Variants in ZMYND11 observed in about 807,000 individuals in gnomAD.
ZMYND11 encodes the protein zinc finger MYND domain-containing protein 11.
ZMYND11 carries 9 observed loss-of-function variants against 84.9 expected under a neutral mutation model. The ratio of observed to expected loss-of-function variants is 0.11; its 90% CI spans 0.06 to 0.18. The LOEUF (loss-of-function observed/expected upper bound fraction) is 0.18. Ranked by LOEUF, ZMYND11 falls within the 10% of genes least tolerant of loss-of-function variation. The pLI, the probability that ZMYND11 is intolerant of heterozygous loss-of-function variation, is 1.00. For missense variants in ZMYND11, 409 were observed against 761.0 expected, an observed-to-expected ratio of 0.54 and a Z score of 5.44; for synonymous variants, 250 against 244.1, an observed-to-expected ratio of 1.02 and a Z score of -0.23.
chr10:248,603 G>A lies in ZMYND11; in HGVS notation c.1495G>A (p.Glu499Lys). 1 of 1,604,314 alleles carries A rather than the reference G, an allele frequency of 6.2e-7. No homozygotes were observed. ...AGAGCGTGTTGTCCGAGAAGCTCTG[G>A]AGAAGGTAATGCTTGTCGCCACTGT... ...ETERVVREAL[E>K]KLRSEMEEEK... The change falls in exon 13 of 15, where the codon GAG becomes AAG. Residue 499 changes from glutamate (E) to lysine (K), a missense_variant. By Grantham distance (56) the Glu-to-Lys change is moderately conservative. Around this residue, in one of 7 missense-constraint regions of ZMYND11, gnomAD observed 141 missense variants for 173.8 expected, o/e 0.81. Coordinates refer to ENST00000381604, the MANE Select transcript of ZMYND11 (RefSeq NM_001370100.5).
intron 6 of ZMYND11, 121 bp downstream of exon 6, chr10:237,798 C>T: frequency 6.2e-6 from 4 of 644,278 alleles, no homozygotes; most frequent in Non-Finnish European, 1.0e-5. Flanking sequence ...TACTTTTTTC[C>T]ACTTCCTAAA....
intron 1 of ZMYND11, among the ~76,000 whole-genome samples, chr10:150,751 C>T (rs543711242): frequency 1.6e-4 from 24 of 152,290 alleles, no homozygotes; most frequent in South Asian, 6.2e-4. Context: ...TCTCCCAGCA[C>T]GGAGTTTGAG....
chr10:144,473 C>T (rs1297539953), intron 1 of ZMYND11, among the ~76,000 whole-genome samples: 12 of 151,924 alleles, frequency 7.9e-5, no homozygotes, highest in African/African-American at 2.7e-4. Context: ...CTGCCCATCA[C>T]GGCCTCCCAA....
intron 2 of ZMYND11, among the ~76,000 whole-genome samples, chr10:189,935 A>G (rs888374972): frequency 5.3e-5 from 8 of 152,180 alleles, no homozygotes; most frequent in Non-Finnish European, 1.2e-4. Flanking sequence ...TCGACAAGGC[A>G]GAGAGGCGAG....
intron 1 of ZMYND11, among the ~76,000 whole-genome samples, chr10:145,218 ATATG>A (rs1399645677): frequency 2.2e-5 from 3 of 137,164 alleles, no homozygotes; most frequent in Non-Finnish European, 5.1e-5. Flanking sequence ...ATATATGTAT[ATATG>A]TGTGTATATA....
At position 248,415 on chromosome 10, in the gene ZMYND11, T is replaced by C; in HGVS notation, c.1307T>C (p.Val436Ala). The C allele has an allele frequency of 6.2e-7, 1 of 1,614,204 alleles. No homozygotes were observed. Among genetic ancestry groups the C allele is most frequent in the Non-Finnish European group, 8.5e-7 (1 of 1,180,034 alleles). ...TMPQPIEKVS[V>A]STQTKKLSAS... ...CCTCAGCCCATCGAAAAAGTCTCCG[T>C]GTCAACTCAGACAAAGAAGTTAAGT... The change falls in exon 13 of 15, where the codon GTG (valine) becomes GCG (alanine). Residue 436 changes from valine to alanine, a missense_variant. Physicochemically the swap from Val to Ala is moderately conservative, Grantham distance 64. Around this residue, in one of 7 missense-constraint regions of ZMYND11, gnomAD observed 141 missense variants for 173.8 expected, o/e 0.81. Transcript: ENST00000381604.
chr10:240,194 GTTGTGCCATTTCCTTT>G (rs1950636183), intron 8 of ZMYND11, 83 bp downstream of exon 8: 2 of 1,223,396 alleles, frequency 1.6e-6, no homozygotes, highest in Non-Finnish European at 1.1e-6. Flanking sequence ...CTACATTTTA[GTTGTGCCATTTCCTTT>G]AAATGTCTTT....
chr10:177,651 AACATTTT>A (rs1466888326), intron 1 of ZMYND11, among the ~76,000 whole-genome samples: 3 of 152,158 alleles, frequency 2.0e-5, no homozygotes, highest in South Asian at 2.1e-4. Flanking sequence ...TGTTAAATTT[AACATTTT>A]ACATTTTACA....
intron 2 of ZMYND11, among the ~76,000 whole-genome samples, chr10:202,262 G>A (rs1458079982): frequency 3.9e-5 from 6 of 152,046 alleles, no homozygotes; most frequent in Non-Finnish European, 2.9e-5. Context: ...CAGTGTTCTG[G>A]CTCGGTTCTA....
chr10:185,084 C>T (rs530908377), intron 2 of ZMYND11, among the ~76,000 whole-genome samples: 3 of 152,256 alleles, frequency 2.0e-5, no homozygotes, highest in East Asian at 3.9e-4. Context: ...GAATTTACCA[C>T]AAATTCATGA....
At chr10:160,280 AAC>A (rs1386429938) in intron 1 of ZMYND11, among the ~76,000 whole-genome samples, 1 of 152,266 alleles carries the variant, frequency 6.6e-6, no homozygotes, top group Non-Finnish European at 1.5e-5. Context: ...AGTGTGCAAC[AAC>A]AGTTATGTCT....
chr10:169,494 G>C (rs1308385816), intron 1 of ZMYND11, among the ~76,000 whole-genome samples: 1 of 152,156 alleles, frequency 6.6e-6, no homozygotes, highest in Non-Finnish European at 1.5e-5. Context: ...GGAATAATCA[G>C]ACCAGGGGTT....
intron 2 of ZMYND11, among the ~76,000 whole-genome samples, chr10:183,350 A>T (rs769719982): frequency 2.0e-5 from 3 of 150,412 alleles, no homozygotes; most frequent in Non-Finnish European, 4.4e-5. Flanking sequence ...TTTTTATTTC[A>T]TGGAGATTGA....
Position 135,703 on chromosome 10 carries a change from G to A in ZMYND11, c.-20+144G>A, listed in dbSNP as rs1835815897. The A allele has an allele frequency of 2.0e-5, 3 of 149,178 alleles. No individual in the cohort carries two copies. The highest frequency in any genetic ancestry group is 2.0e-4 in the Admixed American group (3 of 14,970). The allele number at this position is 149,178 out of a possible 1,614,324, so 9.2% of individuals were successfully genotyped here. On this transcript the variant is annotated intron_variant, in intron 1 of 14. Transcript: ENST00000381604. This position sits in a 1 kb window ranked among gnomAD's most constrained non-coding sequence, Gnocchi z 5.6. ...TGCTGACGGTCGCTCGCCCGCTCGCGAAGAGCTCCGAGCTGCCGGGGAGCT... is the reference window on the plus strand; with the variant it reads ...TGCTGACGGTCGCTCGCCCGCTCGCAAAGAGCTCCGAGCTGCCGGGGAGCT...
intron 1 of ZMYND11, among the ~76,000 whole-genome samples, chr10:149,777 G>A (rs957453666): frequency 3.3e-5 from 5 of 152,140 alleles, no homozygotes; most frequent in African/African-American, 4.8e-5. Context: ...TCTGTTGTGG[G>A]AGTGGAGAAG....
intron 8 of ZMYND11, among the ~76,000 whole-genome samples, chr10:240,502 C>G (rs1284677891): frequency 6.6e-6 from 1 of 151,994 alleles, no homozygotes; most frequent in Non-Finnish European, 1.5e-5. Flanking sequence ...GATTCTGTCT[C>G]AAAACAAAAC....
At chr10:194,891 G>A (rs532664418) in intron 2 of ZMYND11, among the ~76,000 whole-genome samples, 161 of 152,264 alleles carry the variant, frequency 1.1e-3, no homozygotes, top group Non-Finnish European at 1.7e-3. Context: ...AGAGATACTG[G>A]CTAAAAACTT....
intron 1 of ZMYND11, among the ~76,000 whole-genome samples, chr10:136,744 T>C (rs549619594): frequency 4.3e-4 from 65 of 152,198 alleles, no homozygotes; most frequent in Admixed American, 1.2e-3. Flanking sequence ...CCAGGTGTCA[T>C]ATACTGTGTG....
intron 1 of ZMYND11, among the ~76,000 whole-genome samples, chr10:169,449 G>A (rs1844764125): frequency 6.6e-6 from 1 of 152,154 alleles, no homozygotes; most frequent in Non-Finnish European, 1.5e-5. Flanking sequence ...AACTGAACAA[G>A]CATCAGAACT....
Sources: allele counts gnomAD v4.1 joint callset (sites outside exome capture counted in the v4.1 genomes callset), GRCh38; gene constraint gnomAD v4.1.1; regional missense constraint gnomAD v4.1.1; non-coding constraint Gnocchi (gnomAD v3.1); transcripts MANE v1.5; gene names NCBI Gene and HGNC (gene_info 2026-07-23, HGNC 2026-07-21).